BLOC1S6: variants seen among roughly 807,000 people sequenced by gnomAD.
BLOC1S6 encodes the protein biogenesis of lysosome-related organelles complex 1 subunit 6.
A neutral mutation model predicts 24.7 loss-of-function variants in BLOC1S6; 24 were observed. The ratio of observed to expected loss-of-function variants is 0.97; its 90% CI spans 0.70 to 1.37. The LOEUF is 1.37. Ranked by LOEUF, BLOC1S6 falls within the 40% of genes most tolerant of loss-of-function variation. The pLI is 0.00. For synonymous variants in BLOC1S6, 76 were observed against 72.6 expected, an observed-to-expected ratio of 1.05 and a Z score of -0.23; for missense variants, 175 against 196.2, an observed-to-expected ratio of 0.89 and a Z score of 0.64.
At chr15:45,587,365 C>A, upstream of BLOC1S6, 1 of 1,368,178 alleles carries the variant, frequency 7.3e-7, no homozygotes, top group Non-Finnish European at 1.0e-6. Flanking sequence ...GTCCGGCCAG[C>A]CGCTGGAGTC....
intron 3 of BLOC1S6, among the ~76,000 whole-genome samples, chr15:45,605,074 C>G (rs1377094435): frequency 1.3e-5 from 2 of 152,186 alleles, no homozygotes; most frequent in East Asian, 3.8e-4. Flanking sequence ...CTTGTAAAGG[C>G]AGAGAGAATG....
Position 45,592,228 on chromosome 15 carries a change from A to G in BLOC1S6, c.176A>G (p.His59Arg). The G allele has an allele frequency of 6.2e-7, 1 of 1,613,724 alleles. No homozygotes were observed. The highest frequency in any genetic ancestry group is 1.1e-5 in the South Asian group (1 of 91,070). ...VEQLAEGLLSHYLPDLQRSKQ... is the reference protein window; with the variant it reads ...VEQLAEGLLSRYLPDLQRSKQ... The stretch of plus-strand genomic sequence containing the variant: ...CAACTGGCAGAAGGATTGCTTTCTC[A>G]TTATTTGCCAGATCTGCAGAGATCA... The change falls in exon 2 of 5, where the codon CAT becomes CGT. Residue 59 changes from histidine (H) to arginine (R), a missense_variant. Physicochemically the swap from His to Arg is conservative, Grantham distance 29. Transcript: ENST00000220531.
chr15:45,603,234 A>T, intron 3 of BLOC1S6, 47 bp downstream of exon 3: 7 of 1,228,358 alleles, frequency 5.7e-6, no homozygotes, highest in African/African-American at 2.7e-5. Flanking sequence ...TTGTCTTAGC[A>T]ATAGCTAAGA....
intron 1 of BLOC1S6, chr15:45,587,735 A>G: frequency 2.8e-6 from 2 of 706,490 alleles, no homozygotes; most frequent in South Asian, 3.0e-5. Context: ...GAAGCTTTGT[A>G]TTGGGGGTGC....
intron 1 of BLOC1S6, among the ~76,000 whole-genome samples, chr15:45,590,650 C>T (rs1024826994): frequency 2.6e-5 from 4 of 152,078 alleles, no homozygotes; most frequent in East Asian, 1.9e-4. Flanking sequence ...TCAAGTGATC[C>T]GCCCACCTCA....
At chr15:45,603,782 T>G (rs1894352027) in intron 3 of BLOC1S6, among the ~76,000 whole-genome samples, 1 of 152,160 alleles carries the variant, frequency 6.6e-6, no homozygotes, top group African/African-American at 2.4e-5. Context: ...TTTTTTTTCT[T>G]TAAAGAAAGT....
At chr15:45,605,551 A>T in intron 4 of BLOC1S6, 37 bp downstream of exon 4, 1 of 1,354,928 alleles carries the variant, frequency 7.4e-7, no homozygotes, top group Non-Finnish European at 1.0e-6. Flanking sequence ...TTACAAAAGT[A>T]GAGGTTTAAT....
intron 3 of BLOC1S6, 93 bp downstream of exon 3, chr15:45,603,280 A>G: frequency 1.2e-6 from 1 of 806,810 alleles, no homozygotes; most frequent in Non-Finnish European, 2.0e-6. Flanking sequence ...TAAGCTTAGA[A>G]TTTGTCTTTT....
chr15:45,596,628 G>A (rs1421548366), intron 2 of BLOC1S6, among the ~76,000 whole-genome samples: 1 of 151,506 alleles, frequency 6.6e-6, no homozygotes, highest in Admixed American at 6.6e-5. Context: ...CAGTATGTCT[G>A]TTCTTTTGCC....
chr15:45,592,104 G>T, intron 1 of BLOC1S6, 31 bp from the exon 2 acceptor site: 1 of 1,612,284 alleles, frequency 6.2e-7, no homozygotes, highest in South Asian at 1.1e-5. Context: ...ATAAATAAAA[G>T]GTTCCTAAAT....
chr15:45,597,671 T>C (rs1253749785), intron 2 of BLOC1S6, among the ~76,000 whole-genome samples: 2 of 152,214 alleles, frequency 1.3e-5, no homozygotes, highest in East Asian at 3.8e-4. Context: ...AATTTCAAAT[T>C]CATTGCTGGT....
At position 45,592,245 on chromosome 15, in the gene BLOC1S6, C is replaced by G. The variant is rs1488811983; in HGVS notation, c.193C>G (p.Gln65Glu). The change falls in exon 2 of 5, where the codon CAG becomes GAG. Residue 65 changes from glutamine to glutamate, a missense_variant. Coordinates refer to ENST00000220531, the MANE Select transcript of BLOC1S6 (RefSeq NM_012388.4). ...GCTTTCTCATTATTTGCCAGATCTGCAGAGATCAAAACAAGCCCTCCAGGA... is the reference window on the plus strand; with the variant it reads ...GCTTTCTCATTATTTGCCAGATCTGGAGAGATCAAAACAAGCCCTCCAGGA... ...GLLSHYLPDL[Q>E]RSKQALQELT... is the part of the protein sequence containing the mutation. 6.2e-7 allele frequency: 1 copy of G among 1,613,926 alleles called. No homozygotes were observed. Among genetic ancestry groups the G allele is most frequent in the African/African-American group, 1.3e-5 (1 of 74,912 alleles).
rs893256288 is a variant in BLOC1S6, at chr15:45,606,336, A to C, written c.400-59A>C. The C allele has an allele frequency of 2.5e-6, 4 of 1,602,100 alleles. No homozygotes were observed. The East Asian group carries it at 8.9e-5, about 36-fold the overall frequency. On this transcript the variant is annotated intron_variant, in intron 4 of 4. Transcript: ENST00000220531. Reference sequence around the variant, plus strand: ...AGCAGAGCACTGTTATTTTCAAATTAGGCTAAACCTGTAACCCCTGATTGC... The same window carrying C: ...AGCAGAGCACTGTTATTTTCAAATTCGGCTAAACCTGTAACCCCTGATTGC...
chr15:45,606,497 C>T lies in BLOC1S6; in HGVS notation c.502C>T (p.Pro168Ser). 1 of 1,614,074 alleles carries T rather than the reference C, an allele frequency of 6.2e-7. No individual in the cohort carries two copies. The highest frequency in any genetic ancestry group is 8.5e-7 in the Non-Finnish European group (1 of 1,180,020). ...AAGAGAAAAGCAGTTAACTGCCAGA[C>T]CAGCCAAAAGGATGTGAAAAGTTGT... ...FEREKQLTARPAKRM is the reference protein window; with the variant it reads ...FEREKQLTARSAKRM Residue 168 changes from proline (P) to serine (S), a missense_variant, in exon 5 of 5, where the codon CCA becomes TCA. Physicochemically the swap from Pro to Ser is moderately conservative, Grantham distance 74. Transcript: ENST00000220531.
intron 3 of BLOC1S6, among the ~76,000 whole-genome samples, chr15:45,604,447 A>G (rs779342077): frequency 6.6e-6 from 1 of 152,122 alleles, no homozygotes; most frequent in Non-Finnish European, 1.5e-5. Context: ...TGTGTTCCCC[A>G]CTGAAATCCT....
chr15:45,588,868 A>G (rs934359460), intron 1 of BLOC1S6, among the ~76,000 whole-genome samples: 1 of 152,072 alleles, frequency 6.6e-6, no homozygotes, highest in Non-Finnish European at 1.5e-5. Flanking sequence ...TATTGCATCC[A>G]TTCCACTCCT....
intron 1 of BLOC1S6, among the ~76,000 whole-genome samples, chr15:45,591,245 A>G (rs538313532): frequency 8.9e-4 from 136 of 152,306 alleles, no homozygotes; most frequent in Non-Finnish European, 1.7e-3. Flanking sequence ...TGTAAATAAC[A>G]TATCGAACTA....
chr15:45,594,565 G>T (rs919683357), intron 2 of BLOC1S6, among the ~76,000 whole-genome samples: 1 of 152,028 alleles, frequency 6.6e-6, no homozygotes, highest in African/African-American at 2.4e-5. Context: ...CATCTTTTCT[G>T]CCCCACTGTA....
At chr15:45,591,814 A>G (rs1893896451) in intron 1 of BLOC1S6, among the ~76,000 whole-genome samples, 2 of 152,242 alleles carry the variant, frequency 1.3e-5, no homozygotes, top group South Asian at 4.1e-4. Flanking sequence ...CATTTTTTGA[A>G]CATTCATGAC....
Sources: gnomAD v4.1 joint callset for allele counts (sites outside exome capture counted in the v4.1 genomes callset) on GRCh38, gnomAD v4.1.1 for gene constraint, MANE v1.5 for transcripts, NCBI Gene and HGNC (gene_info 2026-07-23, HGNC 2026-07-21) for gene names.